Variants in C10orf90 observed in about 807,000 individuals in gnomAD.
C10orf90 encodes the protein (E2-independent) E3 ubiquitin-conjugating enzyme FATS.
In C10orf90, 56 loss-of-function variants were observed where a neutral mutation model predicts 62.5. The observed-to-expected ratio is 0.90, with a 90% CI of 0.72 to 1.12. The LOEUF is 1.12. Ranked by LOEUF, C10orf90 falls within the 50% of genes most tolerant of loss-of-function variation. The pLI, the probability that C10orf90 is intolerant of heterozygous loss-of-function variation, is 0.00. For synonymous variants in C10orf90, 386 were observed against 340.4 expected (o/e 1.13, Z -1.47); for missense variants, 970 against 880.4 (o/e 1.10, Z -1.29).
At chr10:126,426,216 C>T (rs1857255982) in intron 8 of C10orf90, 126 bp from the exon 9 acceptor site, 1 of 767,294 alleles carries the variant, frequency 1.3e-6, no homozygotes. Flanking sequence ...TGGGCTAGCT[C>T]ACAACTGTAG....
intron 2 of C10orf90, among the ~76,000 whole-genome samples, chr10:126,643,894 G>A (rs139822131): frequency 1.6e-4 from 24 of 152,254 alleles, no homozygotes; most frequent in African/African-American, 5.3e-4. Context: ...TCTTTCCCGA[G>A]GCAGAAAGGC....
intron 2 of C10orf90, among the ~76,000 whole-genome samples, chr10:126,566,545 G>A (rs559266616): frequency 5.4e-4 from 82 of 152,296 alleles, no homozygotes; most frequent in Middle Eastern, 3.4e-3. Flanking sequence ...AGAGCCACCT[G>A]AAAGGCGAGA....
chr10:126,631,075 T>C (rs114065854), intron 2 of C10orf90, among the ~76,000 whole-genome samples: 3,574 of 152,282 alleles, frequency 0.023, 146 homozygotes, highest in African/African-American at 0.079. Flanking sequence ...ATTTCTTAAA[T>C]AGGGTTGGCC....
chr10:126,477,759 T>C lies in C10orf90; in HGVS notation c.1535-12773A>G, dbSNP rs527788201. 4.6e-5 allele frequency among the ~76,000 whole-genome samples: 7 copies of C among 152,340 alleles called. No homozygotes were observed. The South Asian group carries it at 1.5e-3, about 32-fold the overall frequency. ...TTCCTCATGGAATAGGAGTTTTTTA[T>C]ATAGTTGAGTCACTTTTCAGCAGCT... On this transcript the variant is annotated intron_variant, in intron 4 of 9. Transcript: ENST00000488181.
At chr10:126,668,501 TG>T (rs1348309332) in intron 1 of C10orf90, among the ~76,000 whole-genome samples, 1 of 152,194 alleles carries the variant, frequency 6.6e-6, no homozygotes, top group Non-Finnish European at 1.5e-5. Context: ...TAAATAATGC[TG>T]AGATGTCATG....
intron 2 of C10orf90, among the ~76,000 whole-genome samples, chr10:126,565,123 T>TATTTATATTACATATTATGTA (rs1844317802): frequency 2.4e-5 from 1 of 40,872 alleles, no homozygotes; most frequent in Non-Finnish European, 3.9e-5. Context: ...TATTATATAA[T>TATTTATATTACATATTATGTA]ATATAATATA....
At chr10:126,591,740 A>G (rs1844983900) in intron 2 of C10orf90, among the ~76,000 whole-genome samples, 1 of 152,170 alleles carries the variant, frequency 6.6e-6, no homozygotes, top group Non-Finnish European at 1.5e-5. Flanking sequence ...TTTAAATAGG[A>G]AGACAGGAAA....
At chr10:126,565,221 A>ATATTACATAATATGTAATATAATATTT (rs1844331920) in intron 2 of C10orf90, among the ~76,000 whole-genome samples, 1 of 69,848 alleles carries the variant, frequency 1.4e-5, no homozygotes, top group Non-Finnish European at 2.5e-5. Context: ...TATAATTTTT[A>ATATTACATAATATGTAATATAATATTT]TATTACATAT....
At chr10:126,544,786 A>G (rs1864453446) in intron 2 of C10orf90, among the ~76,000 whole-genome samples, 2 of 152,042 alleles carry the variant, frequency 1.3e-5, no homozygotes, top group Admixed American at 1.3e-4. Flanking sequence ...TTCTTCCCTG[A>G]TGGTGTAATG....
rs941672282 is a variant in C10orf90 at position 126,425,515 on chromosome 10, A to C, written c.*349T>G. 1.6e-5 allele frequency: 5 copies of C among 304,144 alleles called. No individual in the cohort carries two copies. Among genetic ancestry groups the C allele is most frequent in the African/African-American group, 1.1e-4 (5 of 46,364 alleles). The allele number at this position is 304,144 out of a possible 1,614,324, so 18.8% of individuals were successfully genotyped here. Reference sequence around the variant, plus strand: ...ATGTAAAAGATTCCCCAGGGATGTAAACAAACTTGCTTGTATCAGGCCTCT... The same window carrying C: ...ATGTAAAAGATTCCCCAGGGATGTACACAAACTTGCTTGTATCAGGCCTCT... On this transcript the variant is annotated 3_prime_UTR_variant, in exon 10 of 10. Transcript: ENST00000488181.
intron 2 of C10orf90, among the ~76,000 whole-genome samples, chr10:126,613,838 A>G (rs1259607217): frequency 1.3e-5 from 2 of 152,194 alleles, no homozygotes; most frequent in African/African-American, 2.4e-5. Flanking sequence ...AAGGCTTTCA[A>G]TGTTTCACAT....
At chr10:126,635,000 T>G (rs1485487171) in intron 2 of C10orf90, among the ~76,000 whole-genome samples, 3 of 152,224 alleles carry the variant, frequency 2.0e-5, no homozygotes, top group Non-Finnish European at 4.4e-5. Flanking sequence ...GTTGCCCATT[T>G]TCAAAGCTGT....
rs1859312853 is a variant in C10orf90 at position 126,453,120 on chromosome 10, G to A, written c.2188+5920C>T. The stretch of plus-strand genomic sequence containing the variant: ...AATCATCAGGGAAAGAAGATTTGTT[G>A]GAGAAGGAATTCTGCCGTGCCTTCC... On this transcript the variant is annotated intron_variant, in intron 7 of 9. Coordinates refer to ENST00000488181, the MANE Select transcript of C10orf90 (RefSeq NM_001350921.2). The surrounding 1 kb of genome is among the most constrained non-coding windows in gnomAD (Gnocchi z 4.9). 6.6e-6 allele frequency among the ~76,000 whole-genome samples: 1 copy of A among 152,128 alleles called. No individual in the cohort carries two copies. The highest frequency in any genetic ancestry group is 2.1e-4 in the South Asian group (1 of 4,804).
chr10:126,498,952 C>A (rs1862232366), intron 4 of C10orf90, among the ~76,000 whole-genome samples: 1 of 152,186 alleles, frequency 6.6e-6, no homozygotes, highest in Non-Finnish European at 1.5e-5. Flanking sequence ...TTCATCTCCA[C>A]CTCAGAGTCT....
At position 126,465,042 on chromosome 10, in the gene C10orf90, C is replaced by T. The variant is rs529141776; in HGVS notation, c.1535-56G>A. ...TCTCTTATGAATCCAATCTAATGTA[C>T]TGACTTCTACCGCACATGGTGCTTT... On this transcript the variant is annotated intron_variant, in intron 4 of 9. Coordinates refer to ENST00000488181, the MANE Select transcript of C10orf90 (RefSeq NM_001350921.2). 98 of 1,555,452 alleles carry T rather than the reference C, an allele frequency of 6.3e-5. No homozygotes were observed. In the African/African-American group the frequency reaches 1.3e-3, roughly 20 times the overall value.
intron 4 of C10orf90, among the ~76,000 whole-genome samples, chr10:126,469,008 A>G (rs886910055): frequency 6.6e-6 from 1 of 152,184 alleles, no homozygotes; most frequent in African/African-American, 2.4e-5. Context: ...CCCTACATGC[A>G]CACAGTCTCA....
chr10:126,502,881 C>A, intron 4 of C10orf90: 1 of 488,652 alleles, frequency 2.0e-6, no homozygotes, highest in East Asian at 5.8e-5. Context: ...AAAGCCATGC[C>A]AAAATTGCCT....
At chr10:126,606,319 A>G (rs1282311978) in intron 2 of C10orf90, among the ~76,000 whole-genome samples, 2 of 152,354 alleles carry the variant, frequency 1.3e-5, no homozygotes, top group East Asian at 3.9e-4. Context: ...TTCAAAACAC[A>G]TGGCAGAGAA....
intron 2 of C10orf90, among the ~76,000 whole-genome samples, chr10:126,597,048 T>C (rs1346328172): frequency 6.6e-6 from 1 of 152,192 alleles, no homozygotes; most frequent in Admixed American, 6.5e-5. Flanking sequence ...ATGCTGACAA[T>C]ATCAAGTGTT....
Sources: gnomAD v4.1 joint callset for allele counts (sites outside exome capture counted in the v4.1 genomes callset) on GRCh38, gnomAD v4.1.1 for gene constraint, Gnocchi (gnomAD v3.1) non-coding constraint, MANE v1.5 for transcripts, NCBI Gene and HGNC (gene_info 2026-07-23, HGNC 2026-07-21) for gene names.